LINGO2: variants seen among roughly 807,000 people sequenced by gnomAD.
The protein encoded by LINGO2 is leucine rich repeat and Ig domain containing 2.
Under a neutral mutation model 30.6 loss-of-function variants are expected in LINGO2, and 14 were observed. That is an observed-to-expected ratio of 0.46 (90% CI 0.30 to 0.72). LINGO2 has a LOEUF of 0.72. Among genes scored for constraint, LINGO2 ranks in the 30% least tolerant of loss-of-function variants. LINGO2 has a pLI of 0.07. For synonymous variants in LINGO2, 317 were observed against 288.5 expected, an observed-to-expected ratio of 1.10 and a Z score of -1.00; for missense variants, 729 against 751.7, an observed-to-expected ratio of 0.97 and a Z score of 0.35.
chr9:28,778,979 G>A, the LINGO2 span, among the ~76,000 whole-genome samples: 1 of 152,218 alleles, frequency 6.6e-6, no homozygotes, highest in Admixed American at 6.6e-5. Context: ...AGATCACACA[G>A]AAGAACAGAC....
At chr9:28,001,119 G>A (rs1031960392) in intron 5 of LINGO2, among the ~76,000 whole-genome samples, 16 of 152,100 alleles carry the variant, frequency 1.1e-4, no homozygotes, top group Non-Finnish European at 2.2e-4. Flanking sequence ...TCTTAATCTA[G>A]TACAGAAGTT....
At chr9:28,549,594 C>T (rs1371263565) in intron 1 of LINGO2, among the ~76,000 whole-genome samples, 1 of 151,894 alleles carries the variant, frequency 6.6e-6, no homozygotes, top group Non-Finnish European at 1.5e-5. Flanking sequence ...AAAGCTGCCA[C>T]TGAACTATGT....
intron 5 of LINGO2, among the ~76,000 whole-genome samples, chr9:27,953,101 G>A (rs1290857057): frequency 6.6e-6 from 1 of 151,880 alleles, no homozygotes; most frequent in African/African-American, 2.4e-5. Context: ...AAAAATAGGG[G>A]GTATGTAGTT....
chr9:28,344,488 G>T (rs1388277129), intron 3 of LINGO2, among the ~76,000 whole-genome samples: 2 of 152,038 alleles, frequency 1.3e-5, no homozygotes, highest in Non-Finnish European at 2.9e-5. Context: ...TGAAAAATGA[G>T]TATGTCTATA....
At chr9:28,153,398 T>A (rs1308992132) in intron 4 of LINGO2, among the ~76,000 whole-genome samples, 1 of 152,160 alleles carries the variant, frequency 6.6e-6, no homozygotes, top group Non-Finnish European at 1.5e-5. Flanking sequence ...TAAAAATAAT[T>A]CTAATATATA....
chr9:28,775,739 C>T, the LINGO2 span, among the ~76,000 whole-genome samples: 10 of 152,220 alleles, frequency 6.6e-5, no homozygotes, highest in African/African-American at 1.9e-4. Context: ...ATGATTTGTA[C>T]TTCTTAGTTT....
intron 1 of LINGO2, among the ~76,000 whole-genome samples, chr9:28,629,501 T>C (rs1488365849): frequency 2.0e-5 from 3 of 152,092 alleles, no homozygotes; most frequent in Non-Finnish European, 4.4e-5. Flanking sequence ...TCATGGTACA[T>C]ATATGTTTTG....
chr9:28,493,956 A>G (rs1054416293), intron 1 of LINGO2, among the ~76,000 whole-genome samples: 1 of 152,058 alleles, frequency 6.6e-6, no homozygotes, highest in Admixed American at 6.5e-5. Context: ...CAGCTTGCAG[A>G]TGGCCTATTG....
intron 3 of LINGO2, among the ~76,000 whole-genome samples, chr9:28,321,807 C>A (rs529883210): frequency 2.6e-5 from 4 of 152,182 alleles, no homozygotes; most frequent in Admixed American, 1.3e-4. Flanking sequence ...GGTCAGGGCC[C>A]ACCCAATTAC....
chr9:28,288,389 GA>G (rs977638145), intron 4 of LINGO2, among the ~76,000 whole-genome samples: 98 of 152,234 alleles, frequency 6.4e-4, no homozygotes, highest in African/African-American at 2.3e-3. Context: ...AAGTGCAGCT[GA>G]AATGCCTCTT....
At chr9:28,080,885 A>T (rs1382949620) in intron 4 of LINGO2, 1 of 152,260 alleles carries the variant, frequency 6.6e-6, no homozygotes, top group South Asian at 2.1e-4. Flanking sequence ...GGCCATGAAG[A>T]GAACAGAAAA....
chr9:28,727,584 G>A, the LINGO2 span, among the ~76,000 whole-genome samples: 4 of 152,046 alleles, frequency 2.6e-5, no homozygotes, highest in Non-Finnish European at 5.9e-5. Context: ...CACCACGCCC[G>A]GCCAAATTAG....
chr9:28,193,146 AT>A lies in LINGO2; in HGVS notation c.-87+102061del, dbSNP rs535947336. Among the ~76,000 whole-genome samples the A allele has an allele frequency of 9.8e-3, 1,488 of 152,190 alleles. 34 individuals carry two copies. Among genetic ancestry groups the A allele is most frequent in the African/African-American group, 0.034 (1,430 of 41,538 alleles). On this transcript the variant is annotated intron_variant, in intron 4 of 5. Transcript: ENST00000379992. ...TGCTGGGAGTTCAAATGATTTCTGA[AT>A]TTTTTTATGTTATAGCTAATGATAT...
chr9:28,868,167 C>T, the LINGO2 span, among the ~76,000 whole-genome samples: 3 of 152,038 alleles, frequency 2.0e-5, no homozygotes, highest in African/African-American at 7.2e-5. Context: ...TTAATAAAGT[C>T]TCCTGCCTTC....
At chr9:28,960,431 A>T in the LINGO2 span, among the ~76,000 whole-genome samples, 150,886 of 151,336 alleles carry the variant, frequency 1, 75,220 homozygotes, top group Middle Eastern at 1. Context: ...ACCTAGGAGT[A>T]TGAGGTTACA....
intron 2 of LINGO2, among the ~76,000 whole-genome samples, chr9:28,380,355 G>C (rs185229020): frequency 6.6e-6 from 1 of 150,660 alleles, no homozygotes; most frequent in East Asian, 2.0e-4. Context: ...GGACATCGTA[G>C]AGGGGAGTAA....
At chr9:28,401,883 T>A (rs2134748678) in intron 2 of LINGO2, among the ~76,000 whole-genome samples, 1 of 152,306 alleles carries the variant, frequency 6.6e-6, no homozygotes, top group East Asian at 1.9e-4. Flanking sequence ...TCTTTGATGA[T>A]CAGTGATGTT....
At chr9:28,846,476 GAAAAT>G in the LINGO2 span, among the ~76,000 whole-genome samples, 1 of 131,780 alleles carries the variant, frequency 7.6e-6, no homozygotes, top group Non-Finnish European at 1.6e-5. Flanking sequence ...CTTCCTGAAA[GAAAAT>G]AAAATATTAG....
the LINGO2 span, among the ~76,000 whole-genome samples, chr9:28,698,588 C>G: frequency 6.6e-5 from 10 of 151,956 alleles, no homozygotes; most frequent in Non-Finnish European, 1.3e-4. Context: ...AAATTATTGA[C>G]TAGCTCTACA....
Sources: gnomAD v4.1 joint callset for allele counts (sites outside exome capture counted in the v4.1 genomes callset) on GRCh38, gnomAD v4.1.1 for gene constraint, MANE v1.5 for transcripts, NCBI Gene and HGNC (gene_info 2026-07-23, HGNC 2026-07-21) for gene names.